The following ACAN variants were observed in gnomAD, a reference collection of about 807,000 sequenced individuals.
ACAN encodes aggrecan, also known as aggrecan core protein.
A neutral mutation model predicts 169.1 loss-of-function variants in ACAN; 47 were observed. The ratio of observed to expected loss-of-function variants is 0.28; its 90% CI spans 0.22 to 0.35. The LOEUF (loss-of-function observed/expected upper bound fraction) is 0.35, where lower values mean the gene tolerates loss of function less well. Among genes scored for constraint, ACAN ranks in the 10% least tolerant of loss-of-function variants. The pLI, the probability that ACAN is intolerant of heterozygous loss-of-function variation, is 1.00. For synonymous variants in ACAN, 1,115 were observed against 1,112.2 expected, an observed-to-expected ratio of 1.00 and a Z score of -0.05; for missense variants, 2,716 against 2,759.9, an observed-to-expected ratio of 0.98 and a Z score of 0.36.
In ACAN at chr15:88,807,536, T is replaced by C. The variant is rs1295456489; in HGVS notation, c.-8+3727T>C. Among the ~76,000 whole-genome samples the C allele has an allele frequency of 6.6e-6, 1 of 151,952 alleles. No homozygotes were observed. Among genetic ancestry groups the C allele is most frequent in the Non-Finnish European group, 1.5e-5 (1 of 67,990 alleles). ...ATCCCTGCGAGGGAGTCTGGGCCCC[T>C]GGACGCAGTTGAAGAAGGGCCACTG... On this transcript the variant is annotated intron_variant, in intron 1 of 18. Transcript: ENST00000560601. This position sits in a 1 kb window ranked among gnomAD's most constrained non-coding sequence, Gnocchi z 4.0.
At chr15:88,819,671 C>G (rs923360580) in intron 1 of ACAN, among the ~76,000 whole-genome samples, 1 of 151,412 alleles carries the variant, frequency 6.6e-6, no homozygotes, top group Non-Finnish European at 1.5e-5. Flanking sequence ...GAGGCTGAGA[C>G]AGGAAGATCA....
Position 88,859,373 on chromosome 15 carries a change from C to G in ACAN, c.6788C>G (p.Pro2263Arg). 6.3e-7 allele frequency: 1 copy of G among 1,577,694 alleles called. No individual in the cohort carries two copies. Among genetic ancestry groups the G allele is most frequent in the Non-Finnish European group, 8.6e-7 (1 of 1,161,448 alleles). Residue 2263 changes from proline to arginine, a missense_variant, in exon 12 of 19, where the codon CCA becomes CGA. Around this residue, in one of 3 missense-constraint regions of ACAN, gnomAD observed 1,389 missense variants for 1,363.7 expected, o/e 1.02. Coordinates refer to ENST00000560601, the MANE Select transcript of ACAN (RefSeq NM_001369268.1). ...TATSPTDASI[P>R]ASPEWKRESE... Reference sequence around the variant, plus strand: ...ACCTCCCCAACAGATGCTTCCATCCCAGCTTCTCCGGAATGGAAACGTGAA... The same window carrying G: ...ACCTCCCCAACAGATGCTTCCATCCGAGCTTCTCCGGAATGGAAACGTGAA...
chr15:88,848,478 A>T (rs1195738063), intron 9 of ACAN, among the ~76,000 whole-genome samples: 1 of 152,196 alleles, frequency 6.6e-6, no homozygotes, highest in Non-Finnish European at 1.5e-5. Context: ...GCACTTTGAG[A>T]GGCAGAGGTG....
Position 88,852,352 on chromosome 15 carries a change from T to C in ACAN, c.2266+319T>C, listed in dbSNP as rs564964055. Reference sequence around the variant, plus strand: ...AGGGCCCTCAGTTACCTTGTCCTCCTGCACTGACACCCTTACCCTAACCTC... The same window carrying C: ...AGGGCCCTCAGTTACCTTGTCCTCCCGCACTGACACCCTTACCCTAACCTC... On this transcript the variant is annotated intron_variant, in intron 11 of 18. Coordinates refer to ENST00000560601, the MANE Select transcript of ACAN (RefSeq NM_001369268.1). Among the ~76,000 whole-genome samples the C allele has an allele frequency of 1.3e-4, 20 of 152,346 alleles. No homozygotes were observed. In the South Asian group the frequency reaches 3.9e-3, roughly 30 times the overall value.
At chr15:88,815,834 T>G (rs1895929705) in intron 1 of ACAN, among the ~76,000 whole-genome samples, 1 of 152,190 alleles carries the variant, frequency 6.6e-6, no homozygotes, top group African/African-American at 2.4e-5. Flanking sequence ...TTGTATTCAT[T>G]TCCTAGGCCT....
intron 13 of ACAN, among the ~76,000 whole-genome samples, chr15:88,860,794 G>A (rs563701561): frequency 8.0e-4 from 122 of 152,292 alleles, no homozygotes; most frequent in Middle Eastern, 3.4e-3. Flanking sequence ...ACACCTCTCC[G>A]CTCCTGGTGA....
Position 88,872,225 on chromosome 15 carries a change from T to A in ACAN, c.7302+140T>A, listed in dbSNP as rs1596157170. On this transcript the variant is annotated intron_variant, in intron 16 of 18. Coordinates refer to ENST00000560601, the MANE Select transcript of ACAN (RefSeq NM_001369268.1). The surrounding 1 kb of genome is among the most constrained non-coding windows in gnomAD (Gnocchi z 5.4). Reference sequence around the variant, plus strand: ...CGGGAACCCTTGAGGGCAGGGATTATCTCCTTCATCTCTGCCTCTGGAACC... The same window carrying A: ...CGGGAACCCTTGAGGGCAGGGATTAACTCCTTCATCTCTGCCTCTGGAACC... The A allele has an allele frequency of 4.3e-6, 3 of 694,820 alleles. No individual in the cohort carries two copies. The East Asian group carries it at 8.4e-5, about 19-fold the overall frequency. The allele number at this position is 694,820 out of a possible 1,614,324, so 43.0% of individuals were successfully genotyped here.
chr15:88,840,761 T>A (rs1444983321), intron 4 of ACAN, among the ~76,000 whole-genome samples: 2 of 142,614 alleles, frequency 1.4e-5, no homozygotes, highest in Non-Finnish European at 3.0e-5. Flanking sequence ...GGAAAACAGA[T>A]CTTAGGATAC....
chr15:88,819,192 G>T (rs1896014290), intron 1 of ACAN, among the ~76,000 whole-genome samples: 1 of 152,200 alleles, frequency 6.6e-6, no homozygotes, highest in Non-Finnish European at 1.5e-5. Flanking sequence ...GCCAGAGACA[G>T]CTGGAAAGGA....
At chr15:88,804,430 C>G (rs1002609824) in intron 1 of ACAN, among the ~76,000 whole-genome samples, 1 of 152,128 alleles carries the variant, frequency 6.6e-6, no homozygotes, top group Non-Finnish European at 1.5e-5. Context: ...GAACCTGGGA[C>G]AGAGCTACTG....
chr15:88,813,637 C>T (rs1895873450), intron 1 of ACAN, among the ~76,000 whole-genome samples: 1 of 152,240 alleles, frequency 6.6e-6, no homozygotes, highest in Non-Finnish European at 1.5e-5. Context: ...CTTATCACTA[C>T]TGGGCTACCC....
intron 1 of ACAN, among the ~76,000 whole-genome samples, chr15:88,833,499 T>A (rs147522472): frequency 1.9e-3 from 287 of 152,266 alleles, no homozygotes; most frequent in Middle Eastern, 3.4e-3. Flanking sequence ...AGGGCCGTGC[T>A]GGGACTCAGG....
At chr15:88,848,068 C>A (rs747119459) in intron 9 of ACAN, 30 bp downstream of exon 9, 1 of 1,607,998 alleles carries the variant, frequency 6.2e-7, no homozygotes, top group South Asian at 1.1e-5. Flanking sequence ...ATTTCGGGCC[C>A]TAGATGGGCA....
At chr15:88,833,509 G>A (rs1426973971) in intron 1 of ACAN, among the ~76,000 whole-genome samples, 1 of 152,048 alleles carries the variant, frequency 6.6e-6, no homozygotes, top group Non-Finnish European at 1.5e-5. Context: ...TGGGACTCAG[G>A]GCTGCCAAAG....
rs539649392 is a variant in ACAN, at chr15:88,849,547, C to T, written c.1842C>T (p.Ala614=). ...TLATTGQLYA[A]WSRGLDKCYA... is the part of the protein sequence containing the mutation. ...CCACCACGGGCCAGCTCTACGCCGC[C>T]TGGAGCCGCGGCCTGGACAAGTGCT... is the stretch of plus-strand genomic sequence containing the variant. The change falls in exon 10 of 19, where the codon GCC becomes GCT. Residue 614 remains alanine (A), a synonymous_variant. Transcript: ENST00000560601. The surrounding 1 kb of genome is among the most constrained non-coding windows in gnomAD (Gnocchi z 5.1). 199 of 1,605,894 alleles carry T rather than the reference C, an allele frequency of 1.2e-4. No individual in the cohort carries two copies. Among genetic ancestry groups the T allele is most frequent in the Non-Finnish European group, 1.7e-4 (198 of 1,176,542 alleles).
chr15:88,841,991 C>T lies in ACAN; in HGVS notation c.757+124C>T, dbSNP rs537393711. 17 of 1,320,508 alleles carry T rather than the reference C, an allele frequency of 1.3e-5. No individual in the cohort carries two copies. The East Asian group carries it at 3.1e-4, about 24-fold the overall frequency. 81.8% of individuals were successfully genotyped at this position (1,320,508 alleles called of 1,614,324 possible). On this transcript the variant is annotated intron_variant, in intron 5 of 18. Transcript: ENST00000560601. The stretch of plus-strand genomic sequence containing the variant: ...AGCTCAGGGCCTGACACACTCTGTC[C>T]TCCTCTGCCATGAAGGGAGGTGGGC...
chr15:88,868,080 G>A lies in ACAN; in HGVS notation c.6947-136G>A. On this transcript the variant is annotated intron_variant, in intron 13 of 18. Transcript: ENST00000560601. This position sits in a 1 kb window ranked among gnomAD's most constrained non-coding sequence, Gnocchi z 5.2. ...AGCAGCAGCAGCAGCAGCAGCAACA[G>A]TTCTCAGGAAAACCAGCCAGTTCCC... The A allele has an allele frequency of 1.6e-6, 1 of 623,868 alleles. No individual in the cohort carries two copies. Among genetic ancestry groups the A allele is most frequent in the Non-Finnish European group, 2.9e-6 (1 of 349,096 alleles). 38.6% of individuals were successfully genotyped at this position (623,868 alleles called of 1,614,324 possible).
At chr15:88,865,641 T>C (rs1365998812) in intron 13 of ACAN, among the ~76,000 whole-genome samples, 1 of 152,076 alleles carries the variant, frequency 6.6e-6, no homozygotes, top group Non-Finnish European at 1.5e-5. Context: ...AGCCTGCCCA[T>C]TGCCCAAAGC....
rs1330795271 is a variant in ACAN, at chr15:88,871,970, G to C, written c.7220-33G>C. 3.2e-6 allele frequency: 5 copies of C among 1,586,590 alleles called. No individual in the cohort carries two copies. Among genetic ancestry groups the C allele is most frequent in the Non-Finnish European group, 4.3e-6 (5 of 1,154,722 alleles). Reference sequence around the variant, plus strand: ...TTCTCAGACACCCTCAGGGTGTCCAGTGTGATGCCTGACACCCTCACCCTT... The same window carrying C: ...TTCTCAGACACCCTCAGGGTGTCCACTGTGATGCCTGACACCCTCACCCTT... On this transcript the variant is annotated intron_variant, in intron 15 of 18. Coordinates refer to ENST00000560601, the MANE Select transcript of ACAN (RefSeq NM_001369268.1). The surrounding 1 kb of genome is among the most constrained non-coding windows in gnomAD (Gnocchi z 7.8).
Sources: allele counts gnomAD v4.1 joint callset (sites outside exome capture counted in the v4.1 genomes callset), GRCh38; gene constraint gnomAD v4.1.1; regional missense constraint gnomAD v4.1.1; non-coding constraint Gnocchi (gnomAD v3.1); transcripts MANE v1.5; gene names NCBI Gene and HGNC (gene_info 2026-07-23, HGNC 2026-07-21).